Variants in PRKCA observed in about 807,000 individuals in gnomAD.
PRKCA encodes the protein protein kinase C alpha.
In PRKCA, 27 loss-of-function variants were observed where a neutral mutation model predicts 87.0. That is an observed-to-expected ratio of 0.31 (90% CI 0.23 to 0.43). PRKCA has a LOEUF of 0.43. PRKCA is among the 20% of genes least tolerant of loss of function. PRKCA has a pLI of 1.00. For synonymous variants in PRKCA, 329 were observed against 311.1 expected (o/e 1.06, Z -0.61); for missense variants, 518 against 852.3 (o/e 0.61, Z 4.88).
intron 3 of PRKCA, among the ~76,000 whole-genome samples, chr17:66,576,620 C>A (rs142737539): frequency 1.3e-4 from 20 of 152,270 alleles, no homozygotes; most frequent in African/African-American, 3.1e-4. Flanking sequence ...AAATTTGATA[C>A]CCATGTACGA....
At chr17:66,665,750 G>A (rs965577419) in intron 5 of PRKCA, among the ~76,000 whole-genome samples, 2 of 152,134 alleles carry the variant, frequency 1.3e-5, no homozygotes, top group Non-Finnish European at 2.9e-5. Flanking sequence ...TGCAGCTATG[G>A]GTATTTTTGC....
chr17:66,485,568 CTT>C (rs902457572), intron 2 of PRKCA, among the ~76,000 whole-genome samples: 6 of 152,184 alleles, frequency 3.9e-5, no homozygotes, highest in African/African-American at 1.4e-4. Flanking sequence ...TGGAGCCACA[CTT>C]TGTTTTGCCT....
chr17:66,330,046 G>A (rs1306462918), intron 2 of PRKCA, among the ~76,000 whole-genome samples: 1 of 151,012 alleles, frequency 6.6e-6, no homozygotes, highest in Non-Finnish European at 1.5e-5. Context: ...TCCCTCTGCT[G>A]GTCTGTTGGG....
intron 8 of PRKCA, among the ~76,000 whole-genome samples, chr17:66,727,454 A>T (rs1973784640): frequency 6.6e-6 from 1 of 152,084 alleles, no homozygotes; most frequent in Non-Finnish European, 1.5e-5. Flanking sequence ...AGGATTGAGG[A>T]TGTTAATGAG....
chr17:66,645,635 G>A, intron 5 of PRKCA, 124 bp downstream of exon 5: 1 of 1,388,194 alleles, frequency 7.2e-7, no homozygotes, highest in Non-Finnish European at 9.9e-7. Flanking sequence ...AGTCGCCCTG[G>A]TGGAGCCATC....
chr17:66,453,849 C>G (rs1324598764), intron 2 of PRKCA, among the ~76,000 whole-genome samples: 1 of 152,152 alleles, frequency 6.6e-6, no homozygotes. Flanking sequence ...AGCTTACATG[C>G]AAGTCAGAAT....
chr17:66,765,876 T>G (rs1174577495), intron 13 of PRKCA, among the ~76,000 whole-genome samples: 1 of 152,216 alleles, frequency 6.6e-6, no homozygotes, highest in Non-Finnish European at 1.5e-5. Context: ...GAGAAAGATA[T>G]GCTTTATTCC....
chr17:66,469,806 G>GT (rs1250567150), intron 2 of PRKCA, among the ~76,000 whole-genome samples: 9 of 151,912 alleles, frequency 5.9e-5, no homozygotes, highest in Non-Finnish European at 8.8e-5. Context: ...GGGTATTTAT[G>GT]TTTTTTTTAG....
At chr17:66,556,977 T>C (rs1178088332) in intron 3 of PRKCA, among the ~76,000 whole-genome samples, 2 of 152,048 alleles carry the variant, frequency 1.3e-5, no homozygotes, top group Admixed American at 6.5e-5. Context: ...GCAATTTGGG[T>C]CAATGGAGGA....
intron 2 of PRKCA, among the ~76,000 whole-genome samples, chr17:66,405,962 A>C (rs549306298): frequency 6.6e-6 from 1 of 152,262 alleles, no homozygotes; most frequent in South Asian, 2.1e-4. Context: ...AATGGAATAC[A>C]TTATTTTCAT....
rs543789443 is a variant in PRKCA at position 66,718,170 on chromosome 17, T to C, written c.919-14518T>C. 2.3e-4 allele frequency among the ~76,000 whole-genome samples: 35 copies of C among 151,252 alleles called. 1 individual carries two copies. In the South Asian group the frequency reaches 6.2e-3, roughly 27 times the overall value. Reference sequence around the variant, plus strand: ...CTTACAAACTGCATATGTTTCTCTCTCTTAGTTCTGAATGCTGGGAAGTCT... The same window carrying C: ...CTTACAAACTGCATATGTTTCTCTCCCTTAGTTCTGAATGCTGGGAAGTCT... On this transcript the variant is annotated intron_variant, in intron 8 of 16. Coordinates refer to ENST00000413366, the MANE Select transcript of PRKCA (RefSeq NM_002737.3).
chr17:66,339,091 A>G (rs1169629776), intron 2 of PRKCA, among the ~76,000 whole-genome samples: 1 of 152,202 alleles, frequency 6.6e-6, no homozygotes, highest in African/African-American at 2.4e-5. Flanking sequence ...CTCTTGCGCT[A>G]TCAGAAGGAA....
intron 16 of PRKCA, among the ~76,000 whole-genome samples, chr17:66,793,237 G>A (rs527267814): frequency 9.5e-4 from 144 of 152,292 alleles, no homozygotes; most frequent in South Asian, 2.5e-3. Flanking sequence ...AGGACCGTCA[G>A]CTCAGTGAGG....
chr17:66,551,370 G>A (rs1968321846), intron 3 of PRKCA, among the ~76,000 whole-genome samples: 1 of 152,226 alleles, frequency 6.6e-6, no homozygotes, highest in East Asian at 1.9e-4. Flanking sequence ...GTATGGGCTG[G>A]GGCTGCGGCC....
chr17:66,563,289 A>G (rs1363644198), intron 3 of PRKCA, among the ~76,000 whole-genome samples: 9 of 152,172 alleles, frequency 5.9e-5, no homozygotes, highest in Admixed American at 5.9e-4. Context: ...ATAGTATCAT[A>G]CAGAGGATCT....
At chr17:66,578,417 G>GA (rs1377253181) in intron 3 of PRKCA, among the ~76,000 whole-genome samples, 1 of 152,176 alleles carries the variant, frequency 6.6e-6, no homozygotes, top group Admixed American at 6.5e-5. Context: ...CAGCATGAGG[G>GA]AGTCTTTCTG....
intron 8 of PRKCA, among the ~76,000 whole-genome samples, chr17:66,698,005 C>A (rs1972967323): frequency 6.6e-6 from 1 of 152,064 alleles, no homozygotes; most frequent in South Asian, 2.1e-4. Context: ...AAGAATTAGC[C>A]CTCAAGAGGG....
At chr17:66,674,621 A>G (rs1972276869) in intron 5 of PRKCA, among the ~76,000 whole-genome samples, 1 of 152,218 alleles carries the variant, frequency 6.6e-6, no homozygotes, top group Non-Finnish European at 1.5e-5. Flanking sequence ...ACATTTAGAT[A>G]GAGGTGTTCA....
At chr17:66,582,603 G>A (rs138645359) in intron 3 of PRKCA, among the ~76,000 whole-genome samples, 3,024 of 145,982 alleles carry the variant, frequency 0.021, 113 homozygotes, top group African/African-American at 0.074. Context: ...CCAGCCTTGT[G>A]GAACTGTGAG....
Sources: gnomAD v4.1 joint callset for allele counts (sites outside exome capture counted in the v4.1 genomes callset) on GRCh38, gnomAD v4.1.1 for gene constraint, MANE v1.5 for transcripts, NCBI Gene and HGNC (gene_info 2026-07-23, HGNC 2026-07-21) for gene names.